Variants in FAM83A observed in about 807,000 individuals in gnomAD.
FAM83A encodes the protein protein FAM83A.
In FAM83A, 21 loss-of-function variants were observed where a neutral mutation model predicts 24.4. The ratio of observed to expected loss-of-function variants is 0.86; its 90% CI spans 0.61 to 1.24. The LOEUF (loss-of-function observed/expected upper bound fraction) is 1.24. FAM83A is among the 50% of genes most tolerant of loss of function. FAM83A has a pLI of 0.00. For synonymous variants in FAM83A, 270 were observed against 252.4 expected (o/e 1.07, Z -0.66); for missense variants, 617 against 579.8 (o/e 1.06, Z -0.66).
chr8:123,206,649 C>G lies in FAM83A; in HGVS notation c.774-508C>G, dbSNP rs140642020. On this transcript the variant is annotated intron_variant, in intron 3 of 3. Transcript: ENST00000690554. Reference sequence around the variant, plus strand: ...CTGCAATCTGAGCACCAGGAGGGAGCCTTGAGACCAGGGATTCGCTCTGGC... The same window carrying G: ...CTGCAATCTGAGCACCAGGAGGGAGGCTTGAGACCAGGGATTCGCTCTGGC... 4.1e-3 allele frequency among the ~76,000 whole-genome samples: 626 copies of G among 152,286 alleles called. 4 individuals carry two copies. Among genetic ancestry groups the G allele is most frequent in the African/African-American group, 0.014 (592 of 41,556 alleles).
At chr8:123,188,712 G>A (rs1395937469) in intron 1 of FAM83A, among the ~76,000 whole-genome samples, 1 of 152,012 alleles carries the variant, frequency 6.6e-6, no homozygotes, top group Non-Finnish European at 1.5e-5. Flanking sequence ...CAAACTCTTG[G>A]CCTCAAGCAA....
chr8:123,209,812 C>A lies in FAM83A; in HGVS notation c.*2124C>A. 1 of 500,304 alleles carries A rather than the reference C, an allele frequency of 2.0e-6. No homozygotes were observed. The allele number at this position is 500,304 out of a possible 1,614,324, so 31.0% of individuals were successfully genotyped here. On this transcript the variant is annotated 3_prime_UTR_variant, in exon 4 of 4. Coordinates refer to ENST00000690554, the Ensembl canonical transcript of FAM83A. This position sits in a 1 kb window ranked among gnomAD's most constrained non-coding sequence, Gnocchi z 4.7. The stretch of plus-strand genomic sequence containing the variant: ...AAGGTGCAGTTTCTCCTCTCCTGGG[C>A]ACCTGTAACATGTGATGCGCTGCCT...
chr8:123,207,548 C>T, exon 4 of FAM83A: 1 of 1,554,126 alleles, frequency 6.4e-7, no homozygotes, highest in Non-Finnish European at 8.6e-7. Context: ...CTCCCCGCGG[C>T]CCCACGACGG....
Position 123,192,051 on chromosome 8 carries a change from C to T in FAM83A, c.648+81C>T, listed in dbSNP as rs1824001909. The T allele has an allele frequency of 8.7e-6, 13 of 1,486,348 alleles. No individual in the cohort carries two copies. In the South Asian group the frequency reaches 1.6e-4, roughly 19 times the overall value. The allele number at this position is 1,486,348 out of a possible 1,614,324, so 92.1% of individuals were successfully genotyped here. A position where few individuals can be genotyped will look rare whatever the true frequency, so the allele number is the denominator to read the frequency against. On this transcript the variant is annotated intron_variant, in intron 2 of 3. Coordinates refer to ENST00000690554, the Ensembl canonical transcript of FAM83A. ...CTATGCAATAGTAACAAATGTCCCT[C>T]ATCTTGTGTTAATAGCTTAACACAA...
intron 2 of FAM83A, among the ~76,000 whole-genome samples, chr8:123,193,153 C>T (rs1431657364): frequency 6.6e-6 from 1 of 152,210 alleles, no homozygotes; most frequent in Non-Finnish European, 1.5e-5. Flanking sequence ...GCAGGTGCTA[C>T]AGGGAAGACA....
At chr8:123,181,244 G>A (rs1416260399), upstream of FAM83A, among the ~76,000 whole-genome samples, 1 of 152,186 alleles carries the variant, frequency 6.6e-6, no homozygotes, top group Non-Finnish European at 1.5e-5. Context: ...ACTGCACCCA[G>A]CCGCGCCACA....
Position 123,209,417 on chromosome 8 carries a change from C to A in FAM83A, c.*1729C>A. 6.2e-7 allele frequency: 1 copy of A among 1,609,324 alleles called. No individual in the cohort carries two copies. Among genetic ancestry groups the A allele is most frequent in the South Asian group, 1.1e-5 (1 of 90,410 alleles). On this transcript the variant is annotated 3_prime_UTR_variant, in exon 4 of 4. Transcript: ENST00000690554. The surrounding 1 kb of genome is among the most constrained non-coding windows in gnomAD (Gnocchi z 4.7). ...TTGTATTCCTGTCCTTCACTTTTTT[C>A]CTCCTTAGTTCCTGAAAGTAAACAA...
At chr8:123,189,296 T>C (rs1177683158) in intron 1 of FAM83A, among the ~76,000 whole-genome samples, 1 of 152,228 alleles carries the variant, frequency 6.6e-6, no homozygotes, top group Admixed American at 6.5e-5. Flanking sequence ...TCCATCCACA[T>C]CACAGAAAGT....
intron 1 of FAM83A, among the ~76,000 whole-genome samples, chr8:123,186,171 G>A (rs1823786163): frequency 6.6e-6 from 1 of 152,158 alleles, no homozygotes; most frequent in Non-Finnish European, 1.5e-5. Flanking sequence ...TAATTTTTAA[G>A]AGTGGAAGGA....
At chr8:123,206,334 G>C (rs1393066632) in intron 3 of FAM83A, among the ~76,000 whole-genome samples, 1 of 152,112 alleles carries the variant, frequency 6.6e-6, no homozygotes, top group African/African-American at 2.4e-5. Context: ...AACGGGAGGC[G>C]CACGGTGCTC....
At chr8:123,194,084 G>T (rs7813708) in exon 3 of FAM83A, 1 of 1,613,824 alleles carries the variant, frequency 6.2e-7, no homozygotes, top group African/African-American at 1.3e-5. Flanking sequence ...CAGGAAATTC[G>T]CTGGCCAAAT....
chr8:123,197,327 C>T (rs1662061025), intron 3 of FAM83A, among the ~76,000 whole-genome samples: 1 of 152,216 alleles, frequency 6.6e-6, no homozygotes, highest in Non-Finnish European at 1.5e-5. Flanking sequence ...CACCTTCCTT[C>T]CCAGCTTGCC....
intron 1 of FAM83A, among the ~76,000 whole-genome samples, chr8:123,187,023 G>C (rs1156344028): frequency 2.0e-5 from 3 of 152,142 alleles, no homozygotes; most frequent in African/African-American, 7.2e-5. Flanking sequence ...TGGAGGAAGG[G>C]ATTAGGGCAG....
At chr8:123,182,266 C>T, upstream of FAM83A, 1 of 384,652 alleles carries the variant, frequency 2.6e-6, no homozygotes. Flanking sequence ...CGCGCCTGGT[C>T]AACAGCTCTC....
chr8:123,189,052 A>G (rs772270179), intron 1 of FAM83A, among the ~76,000 whole-genome samples: 20 of 152,212 alleles, frequency 1.3e-4, no homozygotes, highest in Non-Finnish European at 2.8e-4. Context: ...CCTATCAGGG[A>G]GGGAGGGAAT....
exon 4 of FAM83A, chr8:123,208,650 G>A (rs1824641802): frequency 2.0e-6 from 2 of 985,408 alleles, no homozygotes; most frequent in Admixed American, 6.1e-5. Flanking sequence ...GTGGAACTAG[G>A]TCCTGAGGGC....
At chr8:123,191,495 C>A (rs2131074584) in intron 1 of FAM83A, among the ~76,000 whole-genome samples, 1 of 152,300 alleles carries the variant, frequency 6.6e-6, no homozygotes. Flanking sequence ...TTCTTCTCTG[C>A]TCTCCTTCTC....
chr8:123,180,629 A>C (rs1443983100), upstream of FAM83A: 1 of 152,416 alleles, frequency 6.6e-6, no homozygotes, highest in Non-Finnish European at 1.5e-5. Context: ...TGGGTGATGC[A>C]GGAACAGAGA....
chr8:123,189,667 A>C (rs935716684), intron 1 of FAM83A, among the ~76,000 whole-genome samples: 8 of 152,176 alleles, frequency 5.3e-5, no homozygotes, highest in African/African-American at 1.9e-4. Flanking sequence ...TGTCTTACTT[A>C]TCTGTGGCCT....
Sources: allele counts gnomAD v4.1 joint callset (sites outside exome capture counted in the v4.1 genomes callset), GRCh38; gene constraint gnomAD v4.1.1; non-coding constraint Gnocchi (gnomAD v3.1); transcripts MANE v1.5; gene names NCBI Gene and HGNC (gene_info 2026-07-23, HGNC 2026-07-21).